SUFU: variants seen among roughly 807,000 people sequenced by gnomAD.
SUFU encodes the protein suppressor of fused homolog.
A neutral mutation model predicts 58.9 loss-of-function variants in SUFU; 7 were observed. That is an observed-to-expected ratio of 0.12 (90% confidence interval 0.07 to 0.22). The LOEUF is 0.22. Among genes scored for constraint, SUFU ranks in the 10% least tolerant of loss-of-function variants. SUFU has a pLI of 1.00. For synonymous variants in SUFU, 232 were observed against 254.8 expected (o/e 0.91, Z 0.85); for missense variants, 451 against 641.3 (o/e 0.70, Z 3.20).
chr10:102,584,373 G>A (rs1337576365), intron 3 of SUFU, among the ~76,000 whole-genome samples: 1 of 151,928 alleles, frequency 6.6e-6, no homozygotes, highest in Non-Finnish European at 1.5e-5. Context: ...TTTAAGATGG[G>A]GTCTTACTAT....
chr10:102,633,513 G>A lies in SUFU; in HGVS notation c.*3358G>A. On this transcript the variant is annotated 3_prime_UTR_variant, in exon 12 of 12. Coordinates refer to ENST00000369902, the MANE Select transcript of SUFU (RefSeq NM_016169.4). ...GAAGTAGTGGAGCCGGAAGCCCGGGGCCCTGGCAGAGGGAGTGGGTTGTTG... is the reference window on the plus strand; with the variant it reads ...GAAGTAGTGGAGCCGGAAGCCCGGGACCCTGGCAGAGGGAGTGGGTTGTTG... The A allele has an allele frequency of 4.7e-6, 1 of 210,726 alleles. No individual in the cohort carries two copies. The highest frequency in any genetic ancestry group is 9.6e-6 in the Non-Finnish European group (1 of 103,778). 13.1% of individuals were successfully genotyped at this position (210,726 alleles called of 1,614,324 possible).
chr10:102,616,422 C>T lies in SUFU; in HGVS notation c.1158-868C>T, dbSNP rs2063687525. On this transcript the variant is annotated intron_variant, in intron 9 of 11. Transcript: ENST00000369902. ...GGGAGTGAGTTTGAAGGGTAACTAG[C>T]CTTGGCCAGCCACCCTGGGCAGCAG... Among the ~76,000 whole-genome samples the T allele has an allele frequency of 1.3e-5, 2 of 152,212 alleles. 1 individual carries two copies. Among genetic ancestry groups the T allele is most frequent in the African/African-American group, 4.8e-5 (2 of 41,454 alleles).
At chr10:102,586,754 T>C (rs1413284738) in intron 3 of SUFU, among the ~76,000 whole-genome samples, 1 of 152,240 alleles carries the variant, frequency 6.6e-6, no homozygotes, top group Non-Finnish European at 1.5e-5. Context: ...TTCTGTGACA[T>C]TATTAAGTAC....
rs910987644 is a variant in SUFU, at chr10:102,617,168, G to A, written c.1158-122G>A. 3.0e-5 allele frequency: 39 copies of A among 1,292,080 alleles called. No individual in the cohort carries two copies. The highest frequency in any genetic ancestry group is 3.9e-5 in the Non-Finnish European group (35 of 902,442). 80.0% of individuals were successfully genotyped at this position (1,292,080 alleles called of 1,614,324 possible). A position where few individuals can be genotyped will look rare whatever the true frequency, so the allele number is the denominator to read the frequency against. On this transcript the variant is annotated intron_variant, in intron 9 of 11. Transcript: ENST00000369902. The surrounding 1 kb of genome is among the most constrained non-coding windows in gnomAD (Gnocchi z 4.4). ...TGTTGATGGGCAGGTGGGCAGCCAG[G>A]AGGGCATGTTACCTGGCCCGCGGAC...
Position 102,586,635 on chromosome 10 carries a change from C to T in SUFU, c.455-5947C>T, listed in dbSNP as rs188638476. Among the ~76,000 whole-genome samples the T allele has an allele frequency of 1.1e-4, 16 of 152,168 alleles. No homozygotes were observed. In the East Asian group the frequency reaches 2.3e-3, roughly 22 times the overall value. ...TTGCAGTGAGCCGAGATCACGCCACCGCACTCTAGCCTGGGCGACAGAGCG... is the reference window on the plus strand; with the variant it reads ...TTGCAGTGAGCCGAGATCACGCCACTGCACTCTAGCCTGGGCGACAGAGCG... On this transcript the variant is annotated intron_variant, in intron 3 of 11. Coordinates refer to ENST00000369902, the MANE Select transcript of SUFU (RefSeq NM_016169.4).
At chr10:102,603,172 T>G (rs755487036) in intron 8 of SUFU, among the ~76,000 whole-genome samples, 1 of 152,132 alleles carries the variant, frequency 6.6e-6, no homozygotes, top group Non-Finnish European at 1.5e-5. Context: ...ATTTATTTCT[T>G]TTTTTTAGAC....
At chr10:102,547,024 C>T (rs2062862685) in intron 2 of SUFU, among the ~76,000 whole-genome samples, 1 of 152,248 alleles carries the variant, frequency 6.6e-6, no homozygotes, top group Non-Finnish European at 1.5e-5. Flanking sequence ...TCTTTCTCTG[C>T]ATTTGAGGGT....
chr10:102,633,151 TTTGTG>T lies in SUFU; in HGVS notation c.*2998_*3002del. 4.3e-6 allele frequency: 1 copy of T among 233,434 alleles called. No individual in the cohort carries two copies. Among genetic ancestry groups the T allele is most frequent in the Non-Finnish European group, 8.5e-6 (1 of 118,022 alleles). The allele number at this position is 233,434 out of a possible 1,614,324, so 14.5% of individuals were successfully genotyped here. On this transcript the variant is annotated 3_prime_UTR_variant, in exon 12 of 12. Coordinates refer to ENST00000369902, the MANE Select transcript of SUFU (RefSeq NM_016169.4). ...AGTAGAGAATTTCCTTTACTGTATTTTTGTGTCTGGTCTTCCCTTTCTGGCTTCTA... is the reference window on the plus strand; with the variant it reads ...AGTAGAGAATTTCCTTTACTGTATTTTCTGGTCTTCCCTTTCTGGCTTCTA...
intron 3 of SUFU, among the ~76,000 whole-genome samples, chr10:102,575,943 T>A (rs1202548415): frequency 2.6e-5 from 4 of 151,808 alleles, no homozygotes; most frequent in Non-Finnish European, 5.9e-5. Context: ...GCTCAAGTGA[T>A]CCTCCCACCT....
At chr10:102,515,823 G>C (rs553404291) in intron 2 of SUFU, among the ~76,000 whole-genome samples, 5 of 152,096 alleles carry the variant, frequency 3.3e-5, no homozygotes, top group African/African-American at 4.8e-5. Flanking sequence ...CAGGCTCATT[G>C]GGGGGCACAC....
At chr10:102,565,300 G>A (rs2063075944) in intron 3 of SUFU, among the ~76,000 whole-genome samples, 1 of 152,208 alleles carries the variant, frequency 6.6e-6, no homozygotes, top group Admixed American at 6.5e-5. Context: ...CAACTCAGGT[G>A]GAGAGGTAGC....
chr10:102,615,542 C>T (rs758453548), intron 9 of SUFU, 140 bp downstream of exon 9: 11 of 1,300,482 alleles, frequency 8.5e-6, no homozygotes, highest in African/African-American at 5.8e-5. Context: ...CCGTGCTTCC[C>T]GTCTCCCTGT....
At chr10:102,542,983 C>T (rs1483503748) in intron 2 of SUFU, among the ~76,000 whole-genome samples, 4 of 152,206 alleles carry the variant, frequency 2.6e-5, no homozygotes, top group African/African-American at 2.4e-5. Context: ...TTCATTCTTT[C>T]TTACAGCAGC....
At chr10:102,528,462 T>A (rs1353365695) in intron 2 of SUFU, among the ~76,000 whole-genome samples, 1 of 152,108 alleles carries the variant, frequency 6.6e-6, no homozygotes. Context: ...TCTCAGCTAC[T>A]CAGTGGCTGA....
At chr10:102,548,658 G>T (rs1158854824) in intron 2 of SUFU, among the ~76,000 whole-genome samples, 1 of 152,110 alleles carries the variant, frequency 6.6e-6, no homozygotes, top group Non-Finnish European at 1.5e-5. Flanking sequence ...TCCCATGCTG[G>T]CAAGCCTCAT....
At chr10:102,623,923 G>T (rs1420899406) in intron 10 of SUFU, among the ~76,000 whole-genome samples, 2 of 152,110 alleles carry the variant, frequency 1.3e-5, no homozygotes, top group African/African-American at 4.8e-5. Context: ...CTGGGCGATA[G>T]GGCAAGAGAT....
rs1181213629 is a variant in SUFU at position 102,610,375 on chromosome 10, G to A, written c.1023-4893G>A. Among the ~76,000 whole-genome samples the A allele has an allele frequency of 6.8e-5, 9 of 133,030 alleles. No individual in the cohort carries two copies. In the East Asian group the frequency reaches 1.7e-3, roughly 25 times the overall value. The allele number at this position is 133,030 out of a possible 152,430, so 87.3% of individuals were successfully genotyped here. A position where few individuals can be genotyped will look rare whatever the true frequency, so the allele number is the denominator to read the frequency against. ...ACCATTGCACTCCAGCCTGGGCGTC[G>A]CAGCAAGACTCTGTCTCAAAAAAAA... On this transcript the variant is annotated intron_variant, in intron 8 of 11. Transcript: ENST00000369902.
At chr10:102,516,751 T>G (rs1232431331) in intron 2 of SUFU, among the ~76,000 whole-genome samples, 1 of 151,674 alleles carries the variant, frequency 6.6e-6, no homozygotes, top group Non-Finnish European at 1.5e-5. Flanking sequence ...TTTCACCATG[T>G]TGGCCAGGAT....
At chr10:102,604,216 A>T (rs2063541363) in intron 8 of SUFU, among the ~76,000 whole-genome samples, 1 of 152,242 alleles carries the variant, frequency 6.6e-6, no homozygotes, top group Non-Finnish European at 1.5e-5. Flanking sequence ...TGCAGGGCTG[A>T]TGAGAGGAAC....
Sources: gnomAD v4.1 joint callset for allele counts (sites outside exome capture counted in the v4.1 genomes callset) on GRCh38, gnomAD v4.1.1 for gene constraint, Gnocchi (gnomAD v3.1) non-coding constraint, MANE v1.5 for transcripts, NCBI Gene and HGNC (gene_info 2026-07-23, HGNC 2026-07-21) for gene names.